Variants in PCNX3 observed in about 807,000 individuals in gnomAD.
PCNX3 encodes pecanex 3.
PCNX3 carries 58 observed loss-of-function variants against 207.2 expected under a neutral mutation model. That is an observed-to-expected ratio of 0.28 (90% CI 0.23 to 0.35). The LOEUF (loss-of-function observed/expected upper bound fraction) is 0.35, where lower values mean the gene tolerates loss of function less well. Among genes scored for constraint, PCNX3 ranks in the 10% least tolerant of loss-of-function variants. The pLI, the probability that PCNX3 is intolerant of heterozygous loss-of-function variation, is 1.00. For missense variants in PCNX3, 2,410 were observed against 2,774.4 expected (o/e 0.87, Z 2.95); for synonymous variants, 1,337 against 1,183.5 (o/e 1.13, Z -2.66).
rs367688099 is a variant in PCNX3 at position 65,636,528 on chromosome 11, A to G, written c.5731A>G (p.Ile1911Val). The change falls in exon 34 of 35, where the codon ATC (isoleucine) becomes GTC (valine). Residue 1911 changes from isoleucine (I) to valine (V), a missense_variant. Ile to Val is a conservative substitution (Grantham distance 29, BLOSUM62 3). Around this residue, in one of 8 missense-constraint regions of PCNX3, gnomAD observed 278 missense variants for 245.1 expected, o/e 1.13. Coordinates refer to ENST00000355703, the MANE Select transcript of PCNX3 (RefSeq NM_032223.4). ...CCCTGGACCACCCCCTGCATCGCCT[A>G]TCCCCACAGAGGGTCCCCGGACCTC... Reference protein sequence around the residue: ...RLPGPPPASPIPTEGPRTSRP... With the variant: ...RLPGPPPASPVPTEGPRTSRP... 8.8e-6 allele frequency: 14 copies of G among 1,588,018 alleles called. No individual in the cohort carries two copies. The East Asian group carries it at 1.6e-4, about 18-fold the overall frequency.
intron 27 of PCNX3, among the ~76,000 whole-genome samples, chr11:65,633,629 C>T (rs1338510311): frequency 2.0e-5 from 3 of 152,244 alleles, no homozygotes; most frequent in Non-Finnish European, 1.5e-5. Flanking sequence ...ACCTGGCCCA[C>T]GTGCTGCACA....
At chr11:65,616,506 A>G in intron 1 of PCNX3, 42 bp downstream of exon 1, 1 of 1,570,932 alleles carries the variant, frequency 6.4e-7, no homozygotes, top group Non-Finnish European at 8.6e-7. Context: ...CGGGAGAGGG[A>G]GGGCAGCCTG....
intron 5 of PCNX3, 116 bp from the exon 6 acceptor site, chr11:65,617,824 G>C (rs542242473): frequency 6.9e-7 from 1 of 1,458,180 alleles, no homozygotes; most frequent in East Asian, 2.5e-5. Flanking sequence ...GACCTCCCCA[G>C]TGTGCTGCTG....
rs1855801835 is a variant in PCNX3 at position 65,635,684 on chromosome 11, C to T, written c.5340C>T (p.Pro1780=). 2 of 1,611,998 alleles carry T rather than the reference C, an allele frequency of 1.2e-6. No homozygotes were observed. The highest frequency in any genetic ancestry group is 1.7e-6 in the Non-Finnish European group (2 of 1,179,378). The change falls in exon 32 of 35, where the codon CCC becomes CCT. Residue 1780 remains proline, a synonymous_variant. Coordinates refer to ENST00000355703, the MANE Select transcript of PCNX3 (RefSeq NM_032223.4). The surrounding 1 kb of genome is among the most constrained non-coding windows in gnomAD (Gnocchi z 9.9). ...CCTGTGACCAGCCGCTGGGCTACCC[C>T]ATCTACGTGTCGCCTCTCACCACCT... The part of the protein sequence containing the change: ...NSSCDQPLGY[P]IYVSPLTTSL...
In PCNX3 at chr11:65,635,829, G is replaced by T; in HGVS notation, c.5459+26G>T. The T allele has an allele frequency of 6.3e-7, 1 of 1,589,860 alleles. No homozygotes were observed. Among genetic ancestry groups the T allele is most frequent in the East Asian group, 2.3e-5 (1 of 44,294 alleles). ...GTGAGGCCTCGGGAAGGGGTGACGT[G>T]TGGCGCGGGAGGAAGCTGAGGTGCA... is the stretch of plus-strand genomic sequence containing the variant. On this transcript the variant is annotated intron_variant, in intron 32 of 34. Coordinates refer to ENST00000355703, the MANE Select transcript of PCNX3 (RefSeq NM_032223.4). The surrounding 1 kb of genome is among the most constrained non-coding windows in gnomAD (Gnocchi z 9.9).
Position 65,636,206 on chromosome 11 carries a change from G to T in PCNX3, c.5492G>T (p.Ser1831Ile). 6.3e-7 allele frequency: 1 copy of T among 1,584,538 alleles called. No homozygotes were observed. Among genetic ancestry groups the T allele is most frequent in the Non-Finnish European group, 8.6e-7 (1 of 1,165,060 alleles). ...LHKGCGAGCNSGGNVDDSDCS... is the reference protein window; with the variant it reads ...LHKGCGAGCNIGGNVDDSDCS... ...AAGGGCTGTGGCGCCGGCTGCAATA[G>T]TGGCGGGAACGTGGATGATTCAGAC... Residue 1831 changes from serine (S) to isoleucine (I), a missense_variant, in exon 33 of 35, where the codon AGT becomes ATT. Ser to Ile is a moderately radical substitution (Grantham distance 142). This residue lies in a region of PCNX3 where 59 missense variants were observed against 83.9 expected (regional missense o/e 0.70). Transcript: ENST00000355703.
At chr11:65,621,315 C>T (rs535672091) in intron 10 of PCNX3, among the ~76,000 whole-genome samples, 2 of 151,536 alleles carry the variant, frequency 1.3e-5, no homozygotes, top group African/African-American at 2.5e-5. Context: ...CTGTGCTGCC[C>T]TGCATACACT....
In PCNX3 at chr11:65,625,839, G is replaced by C; in HGVS notation, c.3229-65G>C. 1.9e-6 allele frequency: 3 copies of C among 1,598,704 alleles called. No individual in the cohort carries two copies. In the Admixed American group the frequency reaches 5.0e-5, roughly 27 times the overall value. The stretch of plus-strand genomic sequence containing the variant: ...GGCAGCCCCTCCCCGGCCTGTGCCA[G>C]GTGGCCCTCTGTGGTCCCTTGGCCT... On this transcript the variant is annotated intron_variant, in intron 19 of 34. Coordinates refer to ENST00000355703, the MANE Select transcript of PCNX3 (RefSeq NM_032223.4). This position sits in a 1 kb window ranked among gnomAD's most constrained non-coding sequence, Gnocchi z 5.6.
intron 27 of PCNX3, 54 bp from the exon 28 acceptor site, chr11:65,634,069 TCTC>T: frequency 6.8e-7 from 1 of 1,479,082 alleles, no homozygotes; most frequent in Non-Finnish European, 9.2e-7. Context: ...CTCCATGCTT[TCTC>T]CTCCAGTGGC....
In PCNX3 at chr11:65,628,920, C is replaced by T. The variant is rs1855510088; in HGVS notation, c.3913C>T (p.Pro1305Ser). Reference sequence around the variant, plus strand: ...CGTCTTCATCATGTCCTACGCTCGGCCCCTCAAGTTCTGGGAGCGCGACTA... The same window carrying T: ...CGTCTTCATCATGTCCTACGCTCGGTCCCTCAAGTTCTGGGAGCGCGACTA... ...SAVFIMSYAR[P>S]LKFWERDYNT... The change falls in exon 24 of 35, where the codon CCC (proline) becomes TCC (serine). Residue 1305 changes from proline to serine, a missense_variant. Physicochemically the swap from Pro to Ser is moderately conservative, Grantham distance 74. Coordinates refer to ENST00000355703, the MANE Select transcript of PCNX3 (RefSeq NM_032223.4). 1.9e-6 allele frequency: 3 copies of T among 1,612,264 alleles called. No individual in the cohort carries two copies. Among genetic ancestry groups the T allele is most frequent in the Non-Finnish European group, 2.5e-6 (3 of 1,179,812 alleles).
rs766496499 is a variant in PCNX3 at position 65,629,642 on chromosome 11, G to A, written c.4123G>A (p.Val1375Ile). 35 of 1,600,210 alleles carry A rather than the reference G, an allele frequency of 2.2e-5. No homozygotes were observed. The highest frequency in any genetic ancestry group is 2.7e-5 in the African/African-American group (2 of 74,704). Residue 1375 changes from valine (V) to isoleucine (I), a missense_variant, in exon 26 of 35, where the codon GTC (valine) becomes ATC (isoleucine). Physicochemically the swap from Val to Ile is conservative, Grantham distance 29. Coordinates refer to ENST00000355703, the MANE Select transcript of PCNX3 (RefSeq NM_032223.4). ...WGNYGPGDCF[V>I]LASDYLNALV... ...CAACTATGGCCCTGGTGACTGCTTC[G>A]TCCTGGCCTCTGACTACCTCAACGC...
intron 20 of PCNX3, 167 bp from the exon 21 acceptor site, chr11:65,626,737 T>TA (rs1855409463): frequency 2.2e-6 from 2 of 928,262 alleles, no homozygotes; most frequent in East Asian, 5.3e-5. Flanking sequence ...TGTGGAGCCC[T>TA]TGCCCTGCTG....
chr11:65,616,518 C>T, intron 1 of PCNX3, 54 bp downstream of exon 1: 4 of 1,541,216 alleles, frequency 2.6e-6, no homozygotes, highest in Middle Eastern at 3.4e-4. Flanking sequence ...GGCAGCCTGG[C>T]AGGGATTCAG....
At chr11:65,616,676 C>T (rs369649616) in intron 1 of PCNX3, 148 bp from the exon 2 acceptor site, 15 of 1,000,186 alleles carry the variant, frequency 1.5e-5, no homozygotes, top group Middle Eastern at 3.0e-4. Context: ...GAATACAGAG[C>T]CCTTTGTCGA....
rs199504950 is a variant in PCNX3, at chr11:65,618,790, G to C, written c.1428G>C (p.Glu476Asp). The change falls in exon 6 of 35, where the codon GAG (glutamate) becomes GAC (aspartate). Residue 476 changes from glutamate to aspartate, a missense_variant. Around this residue, in one of 8 missense-constraint regions of PCNX3, gnomAD observed 1,104 missense variants for 970.3 expected, o/e 1.14. Transcript: ENST00000355703. ...RKRRAPHGAE[E>D]GTAVPPKRPY... ...GGAGGGCCCCCCATGGGGCTGAGGAGGGAACTGCTGTGCCCCCCAAGCGGC... is the reference window on the plus strand; with the variant it reads ...GGAGGGCCCCCCATGGGGCTGAGGACGGAACTGCTGTGCCCCCCAAGCGGC... 2.5e-6 allele frequency: 4 copies of C among 1,611,472 alleles called. No homozygotes were observed. The Admixed American group carries it at 6.7e-5, about 27-fold the overall frequency.
At position 65,624,215 on chromosome 11, in the gene PCNX3, G is replaced by T; in HGVS notation, c.2565G>T (p.Ala855=). 1 of 1,606,804 alleles carries T rather than the reference G, an allele frequency of 6.2e-7. No homozygotes were observed. Among genetic ancestry groups the T allele is most frequent in the Non-Finnish European group, 8.5e-7 (1 of 1,177,506 alleles). The change falls in exon 14 of 35, where the codon GCG becomes GCT. Residue 855 remains alanine, a synonymous_variant. Transcript: ENST00000355703. The stretch of plus-strand genomic sequence containing the variant: ...CTCAGGGCCACAACTGGGTGATCGC[G>T]TACAGCCGTCCTGTCTACTTCTGCA... ...SPMHGHNWVI[A]YSRPVYFCIC...
At position 65,635,228 on chromosome 11, in the gene PCNX3, C is replaced by G; in HGVS notation, c.4964C>G (p.Thr1655Arg). The G allele has an allele frequency of 6.3e-7, 1 of 1,587,754 alleles. No homozygotes were observed. The highest frequency in any genetic ancestry group is 8.6e-7 in the Non-Finnish European group (1 of 1,167,114). The change falls in exon 31 of 35, where the codon ACG becomes AGG. Residue 1655 changes from threonine (T) to arginine (R), a missense_variant. Physicochemically the swap from Thr to Arg is moderately conservative, Grantham distance 71. Transcript: ENST00000355703. This position sits in a 1 kb window ranked among gnomAD's most constrained non-coding sequence, Gnocchi z 9.9. ...CGTCTTCTCTACCAGGACCACTTCA[C>G]GTCCCCAGATGAATATGAGGAGCCA... Reference protein sequence around the residue: ...MALKLHQDHFTSPDEYEEPAA... With the variant: ...MALKLHQDHFRSPDEYEEPAA...
intron 20 of PCNX3, 170 bp downstream of exon 20, chr11:65,626,224 C>T (rs1855382606): frequency 1.1e-6 from 1 of 939,320 alleles, no homozygotes; most frequent in Non-Finnish European, 1.7e-6. Flanking sequence ...CGGCTGCGCT[C>T]TCCACCGACT....
chr11:65,617,028 C>A lies in PCNX3; in HGVS notation c.341+17C>A. The A allele has an allele frequency of 1.3e-6, 2 of 1,589,880 alleles. No individual in the cohort carries two copies. Among genetic ancestry groups the A allele is most frequent in the Non-Finnish European group, 1.7e-6 (2 of 1,168,212 alleles). On this transcript the variant is annotated intron_variant, in intron 2 of 34. Transcript: ENST00000355703. ...TCCACCCAGGTGGGTGGGGTAGGGG[C>A]TGTGCTGGGGATTGAGGGTTTTTGG...
Sources: gnomAD v4.1 joint callset for allele counts (sites outside exome capture counted in the v4.1 genomes callset) on GRCh38, gnomAD v4.1.1 for gene constraint, gnomAD v4.1.1 regional missense constraint, Gnocchi (gnomAD v3.1) non-coding constraint, MANE v1.5 for transcripts, NCBI Gene and HGNC (gene_info 2026-07-23, HGNC 2026-07-21) for gene names.